The following MAGI1 variants were observed in gnomAD, a reference collection of about 807,000 sequenced individuals.
MAGI1 encodes the protein membrane associated guanylate kinase, WW and PDZ domain containing 1, also known as membrane-associated guanylate kinase, WW and PDZ domain-containing protein 1.
A neutral mutation model predicts 139.9 loss-of-function variants in MAGI1; 58 were observed. The ratio of observed to expected loss-of-function variants is 0.41; its 90% CI spans 0.34 to 0.52. The LOEUF (loss-of-function observed/expected upper bound fraction) is 0.52. MAGI1 is among the 20% of genes least tolerant of loss of function. The pLI, the probability that MAGI1 is intolerant of heterozygous loss-of-function variation, is 0.12. For synonymous variants in MAGI1, 812 were observed against 737.9 expected (o/e 1.10, Z -1.63); for missense variants, 1,874 against 1,901.6 (o/e 0.99, Z 0.27).
chr3:65,463,558 A>ATGTGTGTGTGTGTGTG (rs56135171), intron 5 of MAGI1, among the ~76,000 whole-genome samples: 102 of 140,836 alleles, frequency 7.2e-4, no homozygotes, highest in South Asian at 3.7e-3. Flanking sequence ...TTGGCCTGAA[A>ATGTGTGTGTGTGTGTG]TGTGTGTGTG....
chr3:65,598,073 T>G (rs2082309224), intron 2 of MAGI1, among the ~76,000 whole-genome samples: 2 of 152,234 alleles, frequency 1.3e-5, no homozygotes, highest in South Asian at 4.1e-4. Flanking sequence ...GGCTTGCGCC[T>G]TTTATATTAC....
chr3:65,960,494 A>G (rs2064369896), intron 1 of MAGI1, among the ~76,000 whole-genome samples: 2 of 152,218 alleles, frequency 1.3e-5, no homozygotes, highest in South Asian at 4.1e-4. Flanking sequence ...TAATAAAGCA[A>G]TAAGTACAAA....
At chr3:65,463,546 T>C (rs888825497) in intron 5 of MAGI1, among the ~76,000 whole-genome samples, 11 of 145,284 alleles carry the variant, frequency 7.6e-5, no homozygotes, top group Non-Finnish European at 1.6e-4. Context: ...TCATCAGGGA[T>C]ATTGGCCTGA....
chr3:65,749,013 A>C (rs1039595546), intron 1 of MAGI1, among the ~76,000 whole-genome samples: 4 of 152,166 alleles, frequency 2.6e-5, no homozygotes, highest in Non-Finnish European at 5.9e-5. Flanking sequence ...GTAGGGGTGG[A>C]CAGTAGATGT....
chr3:65,468,310 A>C (rs1950301786), intron 5 of MAGI1, among the ~76,000 whole-genome samples: 1 of 151,424 alleles, frequency 6.6e-6, no homozygotes, highest in South Asian at 2.1e-4. Context: ...AATAGCACAG[A>C]AGCTCTATTT....
intron 17 of MAGI1, among the ~76,000 whole-genome samples, chr3:65,376,266 C>T (rs1942513527): frequency 6.6e-6 from 1 of 152,146 alleles, no homozygotes; most frequent in African/African-American, 2.4e-5. Flanking sequence ...TTTTAAGAGC[C>T]CCAAAATAAC....
chr3:65,735,444 C>T (rs1015498152), intron 1 of MAGI1, among the ~76,000 whole-genome samples: 4 of 150,328 alleles, frequency 2.7e-5, no homozygotes, highest in Non-Finnish European at 4.4e-5. Context: ...ATGGTGAGAC[C>T]TACATAAGAA....
At chr3:65,770,448 G>A (rs940812994) in intron 1 of MAGI1, among the ~76,000 whole-genome samples, 1 of 152,066 alleles carries the variant, frequency 6.6e-6, no homozygotes, top group Non-Finnish European at 1.5e-5. Flanking sequence ...GAAACCCACT[G>A]GCCAGCTCTT....
chr3:65,423,399 C>CACACACACAG (rs1277623625), intron 12 of MAGI1, among the ~76,000 whole-genome samples: 1 of 152,118 alleles, frequency 6.6e-6, no homozygotes, highest in Admixed American at 6.5e-5. Context: ...CACACACACA[C>CACACACACAG]AGAGAAGAGC....
At chr3:65,886,855 G>A (rs1045058345) in intron 1 of MAGI1, among the ~76,000 whole-genome samples, 2 of 152,164 alleles carry the variant, frequency 1.3e-5, no homozygotes, top group African/African-American at 4.8e-5. Flanking sequence ...TACACAGAAA[G>A]CTTGAACAAA....
intron 1 of MAGI1, among the ~76,000 whole-genome samples, chr3:65,674,198 A>C (rs1190163152): frequency 7.2e-5 from 11 of 152,232 alleles, no homozygotes. Context: ...CTTAAAAATG[A>C]TGTTAAGTAG....
At chr3:66,019,127 C>T (rs1284868122) in intron 1 of MAGI1, among the ~76,000 whole-genome samples, 2 of 152,284 alleles carry the variant, frequency 1.3e-5, no homozygotes, top group South Asian at 2.1e-4. Context: ...TGATTACACT[C>T]CAGTGGAACA....
At chr3:65,418,541 T>C (rs1273093218) in intron 12 of MAGI1, among the ~76,000 whole-genome samples, 1 of 152,178 alleles carries the variant, frequency 6.6e-6, no homozygotes, top group East Asian at 1.9e-4. Flanking sequence ...TTCTCACCTA[T>C]GTTGCATCCC....
chr3:65,619,618 G>A (rs1035509450), intron 2 of MAGI1, among the ~76,000 whole-genome samples: 15 of 152,054 alleles, frequency 9.9e-5, no homozygotes, highest in African/African-American at 2.4e-4. Flanking sequence ...CCAAATCCAC[G>A]GCTTCCTAAT....
rs148578144 is a variant in MAGI1, at chr3:65,354,714, T to C, written c.*1664A>G. 31 of 152,756 alleles carry C rather than the reference T, an allele frequency of 2.0e-4. No individual in the cohort carries two copies. The highest frequency in any genetic ancestry group is 3.7e-4 in the Non-Finnish European group (25 of 68,036). 9.5% of individuals were successfully genotyped at this position (152,756 alleles called of 1,614,324 possible). A position where few individuals can be genotyped will look rare whatever the true frequency, so the allele number is the denominator to read the frequency against. ...TTAAAATATATCCCCATGAATCAATTTGTTCCATATTCAGAAATATAAACA... is the reference window on the plus strand; with the variant it reads ...TTAAAATATATCCCCATGAATCAATCTGTTCCATATTCAGAAATATAAACA... On this transcript the variant is annotated 3_prime_UTR_variant, in exon 23 of 23. Transcript: ENST00000402939.
At chr3:65,713,590 C>G (rs1390616578) in intron 1 of MAGI1, among the ~76,000 whole-genome samples, 1 of 152,118 alleles carries the variant, frequency 6.6e-6, no homozygotes, top group African/African-American at 2.4e-5. Context: ...TACCACTAAC[C>G]GAGAAGGGCA....
chr3:65,356,796 T>C lies in MAGI1; in HGVS notation c.3971A>G (p.Glu1324Gly), dbSNP rs905534482. The C allele has an allele frequency of 2.5e-6, 4 of 1,611,006 alleles. No homozygotes were observed. In the South Asian group the frequency reaches 4.4e-5, roughly 18 times the overall value. The part of the protein sequence containing the change: ...AANGPKRRSP[E>G]KRREGTRSAD... ...GCTGCGGGTGCCCTCCCTCCGCTTC[T>C]CTGGGGACCGCCTCTTGGGGCCGTT... Residue 1324 changes from glutamate (E) to glycine (G), a missense_variant, in exon 23 of 23, where the codon GAG (glutamate) becomes GGG (glycine). Glu to Gly is a moderately conservative substitution (Grantham distance 98, BLOSUM62 -2). Transcript: ENST00000402939.
At chr3:65,387,166 G>C (rs1304258823) in intron 14 of MAGI1, 4 of 1,613,988 alleles carry the variant, frequency 2.5e-6, no homozygotes, top group Admixed American at 1.7e-5. Context: ...AAAATTCGTG[G>C]AATTGATTTC....
At position 65,504,755 on chromosome 3, in the gene MAGI1, T is replaced by C. The variant is rs557339512; in HGVS notation, c.431-11124A>G. 1.2e-4 allele frequency among the ~76,000 whole-genome samples: 19 copies of C among 152,338 alleles called. No individual in the cohort carries two copies. In the South Asian group the frequency reaches 3.3e-3, roughly 27 times the overall value. On this transcript the variant is annotated intron_variant, in intron 2 of 22. Transcript: ENST00000402939. ...CCCAAACCTAAACTGTCAGGAACTA[T>C]GTCTTACTGCCTCTTAACCAGAATA...
Sources: gnomAD v4.1 joint callset for allele counts (sites outside exome capture counted in the v4.1 genomes callset) on GRCh38, gnomAD v4.1.1 for gene constraint, MANE v1.5 for transcripts, NCBI Gene and HGNC (gene_info 2026-07-23, HGNC 2026-07-21) for gene names.